The following KDM4B variants were observed in gnomAD, a reference collection of about 807,000 sequenced individuals.
KDM4B encodes lysine demethylase 4B.
In KDM4B, 32 loss-of-function variants were observed where a neutral mutation model predicts 125.2. The ratio of observed to expected loss-of-function variants is 0.26; its 90% CI spans 0.19 to 0.34. The LOEUF (loss-of-function observed/expected upper bound fraction) is 0.34, where lower values mean the gene tolerates loss of function less well. Among genes scored for constraint, KDM4B ranks in the 10% least tolerant of loss-of-function variants. The pLI is 1.00. For synonymous variants in KDM4B, 721 were observed against 677.9 expected, an observed-to-expected ratio of 1.06 and a Z score of -0.99; for missense variants, 1,190 against 1,577.7, an observed-to-expected ratio of 0.75 and a Z score of 4.16.
chr19:5,018,207 T>C (rs909703907), intron 2 of KDM4B, among the ~76,000 whole-genome samples: 3 of 152,138 alleles, frequency 2.0e-5, no homozygotes, highest in Non-Finnish European at 1.5e-5. Context: ...CTGGCTAATT[T>C]TTTTATTTTT....
At chr19:5,105,865 G>A (rs891949539) in intron 9 of KDM4B, among the ~76,000 whole-genome samples, 24 of 152,316 alleles carry the variant, frequency 1.6e-4, no homozygotes, top group African/African-American at 5.5e-4. Context: ...TAAATGAATG[G>A]GCCTGGCTAT....
At chr19:5,096,305 GA>G (rs1050680630) in intron 9 of KDM4B, among the ~76,000 whole-genome samples, 4 of 152,152 alleles carry the variant, frequency 2.6e-5, no homozygotes, top group Admixed American at 2.6e-4. Flanking sequence ...GGCTGGTCTG[GA>G]ACTCCTGACC....
At position 5,144,404 on chromosome 19, in the gene KDM4B, A is replaced by G. The variant is rs376035539; in HGVS notation, c.2893A>G (p.Ser965Gly). 2.6e-5 allele frequency: 35 copies of G among 1,363,524 alleles called. No homozygotes were observed. The highest frequency in any genetic ancestry group is 3.1e-5 in the Non-Finnish European group (30 of 976,878). 84.5% of individuals were successfully genotyped at this position (1,363,524 alleles called of 1,614,324 possible). The change falls in exon 20 of 23, where the codon AGC becomes GGC. Residue 965 changes from serine to glycine, a missense_variant. By Grantham distance (56) the Ser-to-Gly change is moderately conservative (BLOSUM62 0). Transcript: ENST00000159111. Reference sequence around the variant, plus strand: ...CTACAGCGACAACCTGTACCCTGAGAGCATCACGGTGAGCTGTGGGGTGGG... The same window carrying G: ...CTACAGCGACAACCTGTACCCTGAGGGCATCACGGTGAGCTGTGGGGTGGG... ...GSYSDNLYPE[S>G]ITSRDCVQLG...
intron 1 of KDM4B, among the ~76,000 whole-genome samples, chr19:5,001,721 G>A (rs2035392779): frequency 6.6e-6 from 1 of 152,154 alleles, no homozygotes; most frequent in African/African-American, 2.4e-5. Flanking sequence ...CCCCTGCCTC[G>A]CCAGCAGGGT....
In KDM4B at chr19:5,058,690, C is replaced by A. The variant is rs116650935; in HGVS notation, c.626+11021C>A. Among the ~76,000 whole-genome samples, 146 of 152,346 alleles carry A rather than the reference C, an allele frequency of 9.6e-4. 1 individual carries two copies. The highest frequency in any genetic ancestry group is 3.0e-3 in the African/African-American group (126 of 41,582). On this transcript the variant is annotated intron_variant, in intron 6 of 22. Coordinates refer to ENST00000159111, the MANE Select transcript of KDM4B (RefSeq NM_015015.3). ...GTCCTGTCTGCGGCCCCTCGCTCACCCGCTGGCTTGGTCTGGCAGGAGCAG... is the reference window on the plus strand; with the variant it reads ...GTCCTGTCTGCGGCCCCTCGCTCACACGCTGGCTTGGTCTGGCAGGAGCAG...
At chr19:5,030,885 G>A (rs1335661449) in intron 2 of KDM4B, among the ~76,000 whole-genome samples, 1 of 152,258 alleles carries the variant, frequency 6.6e-6, no homozygotes, top group African/African-American at 2.4e-5. Flanking sequence ...ATCCAGGGAT[G>A]GCCTCAGGCC....
In KDM4B at chr19:5,105,109, G is replaced by A. The variant is rs374853620; in HGVS notation, c.919-5513G>A. Reference sequence around the variant, plus strand: ...GCTGCCCCTGAGTTCTGGGGGCAGCGTGCCCACAGTACATGGCTGGCTTGG... The same window carrying A: ...GCTGCCCCTGAGTTCTGGGGGCAGCATGCCCACAGTACATGGCTGGCTTGG... On this transcript the variant is annotated intron_variant, in intron 9 of 22. Coordinates refer to ENST00000159111, the MANE Select transcript of KDM4B (RefSeq NM_015015.3). Among the ~76,000 whole-genome samples the A allele has an allele frequency of 4.6e-5, 7 of 152,186 alleles. No homozygotes were observed. In the East Asian group the frequency reaches 5.8e-4, roughly 13 times the overall value.
chr19:5,129,218 T>C (rs2039502062), intron 11 of KDM4B, among the ~76,000 whole-genome samples: 1 of 151,400 alleles, frequency 6.6e-6, no homozygotes, highest in African/African-American at 2.4e-5. Flanking sequence ...CCTCCACTCC[T>C]GGGGGAGGCT....
chr19:5,080,857 T>A (rs1441800983), intron 8 of KDM4B: 1 of 152,172 alleles, frequency 6.6e-6, no homozygotes, highest in East Asian at 1.9e-4. Flanking sequence ...AACCGAGTAC[T>A]GTTTAGAAAT....
chr19:5,100,046 C>T (rs896008343), intron 9 of KDM4B, among the ~76,000 whole-genome samples: 2 of 152,256 alleles, frequency 1.3e-5, no homozygotes, highest in African/African-American at 4.8e-5. Flanking sequence ...CCGTGGTTCT[C>T]ATTCAGTGCT....
chr19:5,064,863 A>G (rs1418438110), intron 6 of KDM4B, among the ~76,000 whole-genome samples: 2 of 152,194 alleles, frequency 1.3e-5, no homozygotes, highest in East Asian at 3.9e-4. Flanking sequence ...CGGCACCAGC[A>G]TCACACCCCT....
At chr19:5,133,106 A>T (rs1298124870) in intron 13 of KDM4B, among the ~76,000 whole-genome samples, 1 of 152,008 alleles carries the variant, frequency 6.6e-6, no homozygotes, top group Non-Finnish European at 1.5e-5. Context: ...AGGAGTGGGC[A>T]CCCCACTTCC....
Position 5,012,600 on chromosome 19 carries a change from T to C in KDM4B, c.-108-3657T>C, listed in dbSNP as rs573403204. ...CCCTGTGTTTTGTGCCTGGACAGTG[T>C]TGAGGGGGCTGGCCAGGCAGATGGT... On this transcript the variant is annotated intron_variant, in intron 1 of 22. Coordinates refer to ENST00000159111, the MANE Select transcript of KDM4B (RefSeq NM_015015.3). Among the ~76,000 whole-genome samples the C allele has an allele frequency of 3.3e-5, 5 of 152,296 alleles. No individual in the cohort carries two copies. In the South Asian group the frequency reaches 1.0e-3, roughly 32 times the overall value.
rs983633656 is a variant in KDM4B, at chr19:5,114,493, C to T, written c.1115+3675C>T. 6 of 367,104 alleles carry T rather than the reference C, an allele frequency of 1.6e-5. No homozygotes were observed. The highest frequency in any genetic ancestry group is 1.3e-4 in the African/African-American group (6 of 47,334). 22.7% of individuals were successfully genotyped at this position (367,104 alleles called of 1,614,324 possible). On this transcript the variant is annotated intron_variant, in intron 10 of 22. Coordinates refer to ENST00000159111, the MANE Select transcript of KDM4B (RefSeq NM_015015.3). This position sits in a 1 kb window ranked among gnomAD's most constrained non-coding sequence, Gnocchi z 5.8. The stretch of plus-strand genomic sequence containing the variant: ...CTCCCCACCAACAGGGACCTCAGCC[C>T]TCAGGGACAGAACCTCACGAGCACA...
At chr19:5,143,860 C>A in intron 18 of KDM4B, 107 bp from the exon 19 acceptor site, 1 of 903,840 alleles carries the variant, frequency 1.1e-6, no homozygotes, top group Non-Finnish European at 1.7e-6. Context: ...CAGGGCCACT[C>A]CCGCGATGCC....
intron 9 of KDM4B, among the ~76,000 whole-genome samples, chr19:5,101,401 G>T (rs533192483): frequency 1.4e-3 from 209 of 150,122 alleles, no homozygotes; most frequent in South Asian, 6.3e-3. Flanking sequence ...GCTCATGCCT[G>T]TAGTGCAGCA....
chr19:5,055,261 G>T (rs1453151913), intron 6 of KDM4B, among the ~76,000 whole-genome samples: 3 of 152,246 alleles, frequency 2.0e-5, no homozygotes, highest in African/African-American at 7.2e-5. Context: ...ACTCACCGGG[G>T]CTCCCACCGT....
intron 9 of KDM4B, among the ~76,000 whole-genome samples, chr19:5,100,705 A>G (rs980189947): frequency 2.0e-5 from 3 of 152,158 alleles, no homozygotes; most frequent in Non-Finnish European, 2.9e-5. Context: ...GTGAGCCACC[A>G]CACTTGGCCT....
chr19:5,092,234 T>A (rs1013841563), intron 9 of KDM4B, among the ~76,000 whole-genome samples: 6 of 152,280 alleles, frequency 3.9e-5, no homozygotes, highest in Admixed American at 3.9e-4. Context: ...TATCCTTCTC[T>A]GGGCTGGGGC....
Sources: gnomAD v4.1 joint callset for allele counts (sites outside exome capture counted in the v4.1 genomes callset) on GRCh38, gnomAD v4.1.1 for gene constraint, Gnocchi (gnomAD v3.1) non-coding constraint, MANE v1.5 for transcripts, NCBI Gene and HGNC (gene_info 2026-07-23, HGNC 2026-07-21) for gene names.